Variants in ANKS1B observed in about 807,000 individuals in gnomAD.
The protein encoded by ANKS1B is ankyrin repeat and sterile alpha motif domain containing 1B.
In ANKS1B, 36 loss-of-function variants were observed where a neutral mutation model predicts 148.3. The ratio of observed to expected loss-of-function variants is 0.24; its 90% CI spans 0.19 to 0.32. The LOEUF (loss-of-function observed/expected upper bound fraction) is 0.32, where lower values mean the gene tolerates loss of function less well. Ranked by LOEUF, ANKS1B falls within the 10% of genes least tolerant of loss-of-function variation. The pLI is 1.00. For missense variants in ANKS1B, 1,157 were observed against 1,542.6 expected (o/e 0.75, Z 4.19); for synonymous variants, 542 against 560.8 (o/e 0.97, Z 0.47).
At chr12:99,593,766 G>T (rs1321922863) in intron 9 of ANKS1B, among the ~76,000 whole-genome samples, 1 of 152,052 alleles carries the variant, frequency 6.6e-6, no homozygotes, top group Non-Finnish European at 1.5e-5. Flanking sequence ...GTAGGATTAG[G>T]TTGTGACAAT....
chr12:98,896,864 C>T (rs1404919621), intron 17 of ANKS1B, among the ~76,000 whole-genome samples: 1 of 152,152 alleles, frequency 6.6e-6, no homozygotes, highest in Non-Finnish European at 1.5e-5. Context: ...TTCTTGGTTT[C>T]CCAATCATGA....
At chr12:99,279,315 A>C (rs1319739103) in intron 12 of ANKS1B, among the ~76,000 whole-genome samples, 3 of 152,246 alleles carry the variant, frequency 2.0e-5, no homozygotes, top group Non-Finnish European at 2.9e-5. Context: ...ATTGAGATAT[A>C]ATCTACATAC....
At chr12:99,745,770 C>T (rs2060537093) in intron 8 of ANKS1B, among the ~76,000 whole-genome samples, 1 of 151,884 alleles carries the variant, frequency 6.6e-6, no homozygotes, top group South Asian at 2.1e-4. Context: ...TGCCATGTTT[C>T]ATTTGTCATA....
intron 10 of ANKS1B, among the ~76,000 whole-genome samples, chr12:99,497,820 A>C (rs534840591): frequency 8.6e-4 from 131 of 151,694 alleles, no homozygotes; most frequent in Non-Finnish European, 6.0e-4. Flanking sequence ...ATCACCCCTC[A>C]GTCTTTCTCT....
chr12:99,276,094 G>T (rs1443784076), intron 12 of ANKS1B, among the ~76,000 whole-genome samples: 2 of 152,180 alleles, frequency 1.3e-5, no homozygotes, highest in African/African-American at 4.8e-5. Context: ...CCCTATGCCA[G>T]AATAATTTAG....
intron 4 of ANKS1B, among the ~76,000 whole-genome samples, chr12:99,800,847 T>C (rs1288768929): frequency 6.6e-6 from 1 of 152,002 alleles, no homozygotes; most frequent in Non-Finnish European, 1.5e-5. Context: ...GACTTGGTAA[T>C]TGTCAGATAA....
At chr12:98,868,655 G>T (rs1025391305) in intron 17 of ANKS1B, among the ~76,000 whole-genome samples, 2 of 152,188 alleles carry the variant, frequency 1.3e-5, no homozygotes, top group East Asian at 1.9e-4. Flanking sequence ...AATCTGGGTC[G>T]AGTTGAAATC....
At chr12:99,372,248 T>C (rs1370834402) in intron 12 of ANKS1B, among the ~76,000 whole-genome samples, 2 of 151,726 alleles carry the variant, frequency 1.3e-5, no homozygotes, top group Admixed American at 6.6e-5. Context: ...ATATGGGAAA[T>C]CTCTGTACCT....
intron 4 of ANKS1B, among the ~76,000 whole-genome samples, chr12:99,787,186 C>A (rs979560071): frequency 6.6e-6 from 1 of 151,960 alleles, no homozygotes; most frequent in African/African-American, 2.4e-5. Flanking sequence ...AATTTTAGTT[C>A]CCATAATCTT....
At chr12:99,423,751 A>G (rs1197822432) in intron 11 of ANKS1B, among the ~76,000 whole-genome samples, 2 of 152,146 alleles carry the variant, frequency 1.3e-5, no homozygotes, top group Non-Finnish European at 2.9e-5. Flanking sequence ...AAAACCAAAC[A>G]CCACATGTTC....
chr12:99,550,935 T>C (rs544535843), intron 9 of ANKS1B, among the ~76,000 whole-genome samples: 1 of 152,318 alleles, frequency 6.6e-6, no homozygotes, highest in South Asian at 2.1e-4. Flanking sequence ...TTTTCTTTGA[T>C]CATTAATTTA....
At chr12:99,768,181 T>C (rs1198856386) in intron 8 of ANKS1B, among the ~76,000 whole-genome samples, 1 of 152,224 alleles carries the variant, frequency 6.6e-6, no homozygotes, top group Non-Finnish European at 1.5e-5. Context: ...TGGAATTACT[T>C]GTCATATCAC....
At chr12:99,121,985 C>T (rs1191481696) in intron 15 of ANKS1B, among the ~76,000 whole-genome samples, 2 of 152,100 alleles carry the variant, frequency 1.3e-5, no homozygotes, top group Non-Finnish European at 2.9e-5. Flanking sequence ...CTGGATTCTG[C>T]AGGCAAGTGG....
intron 17 of ANKS1B, among the ~76,000 whole-genome samples, chr12:98,946,757 G>A (rs568807824): frequency 6.6e-6 from 1 of 151,504 alleles, no homozygotes; most frequent in Non-Finnish European, 1.5e-5. Flanking sequence ...GAAACATAGC[G>A]ATACCTTATC....
intron 23 of ANKS1B, among the ~76,000 whole-genome samples, chr12:98,781,748 T>G (rs1323263784): frequency 6.6e-6 from 1 of 152,236 alleles, no homozygotes; most frequent in Non-Finnish European, 1.5e-5. Flanking sequence ...AATCCATAAA[T>G]GCTGATATTA....
chr12:99,770,080 G>A (rs2063047794), intron 8 of ANKS1B, among the ~76,000 whole-genome samples: 2 of 152,128 alleles, frequency 1.3e-5, no homozygotes, highest in Admixed American at 6.6e-5. Flanking sequence ...GAGAAATGTG[G>A]CTGAGAATTA....
At chr12:99,321,729 C>T (rs2085317459) in intron 12 of ANKS1B, among the ~76,000 whole-genome samples, 1 of 152,174 alleles carries the variant, frequency 6.6e-6, no homozygotes, top group South Asian at 2.1e-4. Flanking sequence ...GAACCCAGTG[C>T]CTCAGATGGA....
intron 14 of ANKS1B, among the ~76,000 whole-genome samples, chr12:99,240,070 C>A (rs1283893415): frequency 6.6e-6 from 1 of 152,098 alleles, no homozygotes; most frequent in African/African-American, 2.4e-5. Context: ...ACAATATTAA[C>A]CTTAAATGTA....
intron 15 of ANKS1B, among the ~76,000 whole-genome samples, chr12:99,147,643 A>G (rs2073603050): frequency 6.6e-6 from 1 of 152,122 alleles, no homozygotes; most frequent in Non-Finnish European, 1.5e-5. Context: ...ATTTGGAAAT[A>G]TCTATTGAGT....
Sources: gnomAD v4.1 joint callset for allele counts (sites outside exome capture counted in the v4.1 genomes callset) on GRCh38, gnomAD v4.1.1 for gene constraint, MANE v1.5 for transcripts, NCBI Gene and HGNC (gene_info 2026-07-23, HGNC 2026-07-21) for gene names.